The following FOXP4 variants were observed in gnomAD, a reference collection of about 807,000 sequenced individuals.
The protein encoded by FOXP4 is forkhead box P4.
FOXP4 carries 25 observed loss-of-function variants against 82.6 expected under a neutral mutation model. The ratio of observed to expected loss-of-function variants is 0.30; its 90% CI spans 0.22 to 0.42. The LOEUF (loss-of-function observed/expected upper bound fraction) is 0.42. Ranked by LOEUF, FOXP4 falls within the 10% of genes least tolerant of loss-of-function variation. FOXP4 has a pLI of 1.00. For missense variants in FOXP4, 785 were observed against 900.9 expected, an observed-to-expected ratio of 0.87 and a Z score of 1.65; for synonymous variants, 415 against 388.2, an observed-to-expected ratio of 1.07 and a Z score of -0.81.
chr6:41,582,305 C>A (rs1026674416), intron 3 of FOXP4, among the ~76,000 whole-genome samples: 1 of 152,172 alleles, frequency 6.6e-6, no homozygotes, highest in African/African-American at 2.4e-5. Flanking sequence ...CACAGGGTTG[C>A]CGTGAAGATT....
chr6:41,583,475 CCT>C (rs1765918788), intron 3 of FOXP4, among the ~76,000 whole-genome samples: 1 of 152,218 alleles, frequency 6.6e-6, no homozygotes, highest in Non-Finnish European at 1.5e-5. Flanking sequence ...ACACAGCACT[CCT>C]CTCTGACTGG....
At chr6:41,557,314 T>C (rs1170286298) in intron 1 of FOXP4, among the ~76,000 whole-genome samples, 2 of 152,206 alleles carry the variant, frequency 1.3e-5, no homozygotes, top group East Asian at 3.8e-4. Flanking sequence ...GCAAAATTGG[T>C]ATGAATTTTA....
intron 1 of FOXP4, among the ~76,000 whole-genome samples, chr6:41,552,147 G>A (rs1649810897): frequency 6.6e-6 from 1 of 152,136 alleles, no homozygotes; most frequent in African/African-American, 2.4e-5. Flanking sequence ...TTCCCGGCTG[G>A]CTTTACGTTT....
At chr6:41,570,209 T>C (rs1015147717) in intron 2 of FOXP4, 3 of 433,736 alleles carry the variant, frequency 6.9e-6, no homozygotes, top group African/African-American at 4.1e-5. Flanking sequence ...GTTTCCTGTC[T>C]GATCCCACAC....
At chr6:41,586,730 G>A (rs977142186) in intron 5 of FOXP4, among the ~76,000 whole-genome samples, 3 of 152,232 alleles carry the variant, frequency 2.0e-5, no homozygotes, top group African/African-American at 7.2e-5. Context: ...AGCGGAAGGA[G>A]GGAGGCGGGA....
At chr6:41,578,127 G>A in intron 3 of FOXP4, 46 bp downstream of exon 3, 1 of 1,541,458 alleles carries the variant, frequency 6.5e-7, no homozygotes, top group Non-Finnish European at 8.9e-7. Flanking sequence ...GCTGGAGTGT[G>A]GGCCTGGCAC....
intron 2 of FOXP4, among the ~76,000 whole-genome samples, chr6:41,573,785 G>C (rs1765327902): frequency 6.6e-6 from 1 of 152,162 alleles, no homozygotes; most frequent in Non-Finnish European, 1.5e-5. Flanking sequence ...AAGAGATGGT[G>C]ACTTGCCCAA....
chr6:41,577,945 C>A, intron 2 of FOXP4, 41 bp from the exon 3 acceptor site: 1 of 1,504,778 alleles, frequency 6.6e-7, no homozygotes, highest in East Asian at 2.3e-5. Context: ...GGATCCCACC[C>A]AGCCTCCCAG....
At chr6:41,594,840 C>T (rs2127404925) in intron 13 of FOXP4, 30 bp from the exon 14 acceptor site, 2 of 1,612,970 alleles carry the variant, frequency 1.2e-6, no homozygotes, top group East Asian at 2.2e-5. Flanking sequence ...AAGCAAGCCG[C>T]CTCTGAGCTC....
intron 1 of FOXP4, among the ~76,000 whole-genome samples, chr6:41,562,147 T>C (rs1236993193): frequency 6.6e-6 from 1 of 152,180 alleles, no homozygotes; most frequent in Non-Finnish European, 1.5e-5. Context: ...TGCTCATCCT[T>C]GGCGGGCAGG....
Position 41,589,786 on chromosome 6 carries a change from G to A in FOXP4, c.1081G>A (p.Glu361Lys). ...CCCTCCACAGCTCGCCAAGGAGAGC[G>A]AGCGGCTGCAGGCCATGATGGCCCA... ...QLEIQLAKES[E>K]RLQAMMAHLH... Residue 361 changes from glutamate to lysine, a missense_variant, in exon 10 of 17, where the codon GAG becomes AAG. Coordinates refer to ENST00000307972, the MANE Select transcript of FOXP4 (RefSeq NM_001012426.2). The A allele has an allele frequency of 6.2e-7, 1 of 1,611,156 alleles. No individual in the cohort carries two copies. The highest frequency in any genetic ancestry group is 8.5e-7 in the Non-Finnish European group (1 of 1,179,912).
chr6:41,554,924 C>T (rs1764192488), intron 1 of FOXP4, among the ~76,000 whole-genome samples: 1 of 151,644 alleles, frequency 6.6e-6, no homozygotes, highest in South Asian at 2.1e-4. Flanking sequence ...ATAAGGACAC[C>T]CTGACCCAAA....
chr6:41,571,862 C>T (rs1399314344), intron 2 of FOXP4, among the ~76,000 whole-genome samples: 1 of 152,122 alleles, frequency 6.6e-6, no homozygotes, highest in Non-Finnish European at 1.5e-5. Context: ...GACCACTAAT[C>T]TCTAACTCCT....
rs1159741678 is a variant in FOXP4, at chr6:41,591,751, A to T, written c.1536+429A>T. On this transcript the variant is annotated intron_variant, in intron 13 of 16. Transcript: ENST00000307972. The surrounding 1 kb of genome is among the most constrained non-coding windows in gnomAD (Gnocchi z 4.2). ...GAGGTGGGGCTAGGAAAGCGCAGGT[A>T]TAGACACACGGATGGACCAAGAGCC... is the stretch of plus-strand genomic sequence containing the variant. Among the ~76,000 whole-genome samples, 2 of 152,222 alleles carry T rather than the reference A, an allele frequency of 1.3e-5. No individual in the cohort carries two copies. Among genetic ancestry groups the T allele is most frequent in the Non-Finnish European group, 2.9e-5 (2 of 68,040 alleles).
At chr6:41,576,006 C>T (rs1168613505) in intron 2 of FOXP4, among the ~76,000 whole-genome samples, 1 of 151,308 alleles carries the variant, frequency 6.6e-6, no homozygotes, top group African/African-American at 2.4e-5. Context: ...GGCAGGGGCT[C>T]CTTCCTAATG....
chr6:41,553,527 G>T, intron 1 of FOXP4, among the ~76,000 whole-genome samples: 1 of 152,148 alleles, frequency 6.6e-6, no homozygotes, highest in East Asian at 1.9e-4. Context: ...CATGGACTGG[G>T]TACTGGCTGG....
chr6:41,585,828 C>G (rs916512990), intron 5 of FOXP4, among the ~76,000 whole-genome samples: 7 of 151,982 alleles, frequency 4.6e-5, no homozygotes, highest in Admixed American at 4.6e-4. Context: ...GCCTTGTGGT[C>G]GCACCATCTT....
At chr6:41,598,304 C>T (rs1414362012) in intron 16 of FOXP4, among the ~76,000 whole-genome samples, 14 of 151,050 alleles carry the variant, frequency 9.3e-5, no homozygotes, top group Admixed American at 6.6e-4. Flanking sequence ...GCAACCTCTG[C>T]CTCCTGGGTT....
intron 1 of FOXP4, among the ~76,000 whole-genome samples, chr6:41,551,783 G>C (rs965280076): frequency 1.3e-5 from 2 of 152,160 alleles, no homozygotes; most frequent in African/African-American, 2.4e-5. Context: ...TTGAAGGTAG[G>C]GTGGCTTAGG....
Sources: allele counts gnomAD v4.1 joint callset (sites outside exome capture counted in the v4.1 genomes callset), GRCh38; gene constraint gnomAD v4.1.1; non-coding constraint Gnocchi (gnomAD v3.1); transcripts MANE v1.5; gene names NCBI Gene and HGNC (gene_info 2026-07-23, HGNC 2026-07-21).